Variants in TMPRSS11F observed in about 807,000 individuals in gnomAD.
TMPRSS11F encodes the protein transmembrane serine protease 11F, also known as transmembrane protease serine 11F.
TMPRSS11F carries 47 observed loss-of-function variants against 60.2 expected under a neutral mutation model. The observed-to-expected ratio is 0.78, with a 90% CI of 0.62 to 1.00. The LOEUF is 1.00. Ranked by LOEUF, TMPRSS11F falls within the 50% of genes least tolerant of loss-of-function variation. The probability of loss-of-function intolerance (pLI) is 0.00; values close to 1 mark genes in which losing one functional copy is unlikely to be tolerated. For synonymous variants in TMPRSS11F, 166 were observed against 167.3 expected (o/e 0.99, Z 0.06); for missense variants, 519 against 522.9 (o/e 0.99, Z 0.07).
chr4:68,116,350 A>G (rs1236679237), intron 1 of TMPRSS11F, among the ~76,000 whole-genome samples: 1 of 152,188 alleles, frequency 6.6e-6, no homozygotes, highest in Non-Finnish European at 1.5e-5. Flanking sequence ...TAAAAAATGC[A>G]CAGATAAATG....
At position 68,069,981 on chromosome 4, in the gene TMPRSS11F, G is replaced by A; in HGVS notation, c.541C>T (p.Leu181Phe). 2 of 1,604,620 alleles carry A rather than the reference G, an allele frequency of 1.2e-6. No individual in the cohort carries two copies. Among genetic ancestry groups the A allele is most frequent in the Non-Finnish European group, 1.7e-6 (2 of 1,175,054 alleles). The change falls in exon 6 of 10, where the codon CTT (leucine) becomes TTT (phenylalanine). Residue 181 changes from leucine (L) to phenylalanine (F), a missense_variant. By Grantham distance (22) the Leu-to-Phe change is conservative. Coordinates refer to ENST00000356291, the MANE Select transcript of TMPRSS11F (RefSeq NM_207407.2). ...TTTTGGAACTTACGACTGTTGAGAA[G>A]ATTCCTCATCTTTTTGCTGTCAATA... ...TPIDSKKMRN[L>F]LNSRCGIRMT...
rs371009609 is a variant in TMPRSS11F at position 68,084,662 on chromosome 4, G to A, written c.282+5861C>T. 1.4e-4 allele frequency among the ~76,000 whole-genome samples: 22 copies of A among 152,218 alleles called. No individual in the cohort carries two copies. The South Asian group carries it at 2.3e-3, about 16-fold the overall frequency. ...CCTTACAAGAGGTCCTTAAGAGAAT[G>A]CTAAATGTCAAAATGAAGGAACAAT... On this transcript the variant is annotated intron_variant, in intron 3 of 9. Coordinates refer to ENST00000356291, the MANE Select transcript of TMPRSS11F (RefSeq NM_207407.2).
intron 3 of TMPRSS11F, among the ~76,000 whole-genome samples, chr4:68,076,402 G>A (rs1723584425): frequency 6.6e-6 from 1 of 152,178 alleles, no homozygotes; most frequent in Non-Finnish European, 1.5e-5. Flanking sequence ...CCCCAACAGA[G>A]GGCACTGCAT....
intron 7 of TMPRSS11F, among the ~76,000 whole-genome samples, chr4:68,068,328 G>A (rs1289306393): frequency 1.3e-5 from 2 of 152,130 alleles, no homozygotes; most frequent in Non-Finnish European, 2.9e-5. Flanking sequence ...CTTGTTACAT[G>A]TGTAATAGTC....
intron 1 of TMPRSS11F, 93 bp from the exon 2 acceptor site, chr4:68,099,131 A>G: frequency 1.8e-6 from 2 of 1,114,042 alleles, no homozygotes; most frequent in South Asian, 1.6e-5. Context: ...AATAGTTTAT[A>G]CTGCTAAATA....
At chr4:68,090,898 T>A (rs1723916197) in intron 2 of TMPRSS11F, among the ~76,000 whole-genome samples, 1 of 152,196 alleles carries the variant, frequency 6.6e-6, no homozygotes, top group South Asian at 2.1e-4. Context: ...TTCATAAAAT[T>A]GGACATGCAA....
intron 2 of TMPRSS11F, among the ~76,000 whole-genome samples, chr4:68,096,788 T>A (rs1184809054): frequency 6.6e-6 from 1 of 152,182 alleles, no homozygotes; most frequent in Non-Finnish European, 1.5e-5. Context: ...TTTACCACTA[T>A]GTCTGCTGAA....
intron 1 of TMPRSS11F, among the ~76,000 whole-genome samples, chr4:68,127,359 G>A (rs190660837): frequency 1.3e-5 from 2 of 151,974 alleles, no homozygotes; most frequent in African/African-American, 4.8e-5. Context: ...TTGTTTTTTC[G>A]CATTGATCAC....
chr4:68,054,975 G>T (rs890324074), intron 9 of TMPRSS11F, among the ~76,000 whole-genome samples: 30 of 152,164 alleles, frequency 2.0e-4, no homozygotes, highest in Non-Finnish European at 3.1e-4. Context: ...AAACAGGAAA[G>T]TTTCCCCTGA....
intron 1 of TMPRSS11F, among the ~76,000 whole-genome samples, chr4:68,110,587 T>C (rs1224856899): frequency 6.6e-6 from 1 of 152,188 alleles, no homozygotes; most frequent in Non-Finnish European, 1.5e-5. Flanking sequence ...GTGAGCAGTA[T>C]GATTGTAGGC....
intron 1 of TMPRSS11F, among the ~76,000 whole-genome samples, chr4:68,108,224 C>G (rs4591662): frequency 0.96 from 145,546 of 152,278 alleles, 69,907 homozygotes; most frequent in East Asian, 1. Context: ...GTAGAAATGA[C>G]AGAAAGAGAA....
chr4:68,091,162 T>C (rs1177972139), intron 2 of TMPRSS11F, among the ~76,000 whole-genome samples: 4 of 152,190 alleles, frequency 2.6e-5, no homozygotes, highest in Admixed American at 2.0e-4. Flanking sequence ...ACTAAAGCTG[T>C]CTTTTTCAAG....
Position 68,090,637 on chromosome 4 carries a change from A to G in TMPRSS11F, c.168T>C (p.Asp56=), listed in dbSNP as rs374447857. Residue 56 remains aspartate (D), a synonymous_variant, in exon 3 of 10, where the codon GAT becomes GAC. Transcript: ENST00000356291. ...GIVTHFVVED[D]KSFYYLASFK... ...AAGAGGCAAGGTAATAGAAAGACTT[A>G]TCATCTGAAAGGTAAAACAAACAAA... 3 of 1,592,024 alleles carry G rather than the reference A, an allele frequency of 1.9e-6. No individual in the cohort carries two copies. The African/African-American group carries it at 4.1e-5, about 22-fold the overall frequency.
At chr4:68,085,501 C>T (rs190359676) in intron 3 of TMPRSS11F, among the ~76,000 whole-genome samples, 1 of 152,156 alleles carries the variant, frequency 6.6e-6, no homozygotes, top group Non-Finnish European at 1.5e-5. Context: ...AGCCCACAGA[C>T]ATCATAAAGC....
intron 7 of TMPRSS11F, among the ~76,000 whole-genome samples, chr4:68,066,904 G>A (rs1213852505): frequency 6.6e-6 from 1 of 150,562 alleles, no homozygotes; most frequent in Non-Finnish European, 1.5e-5. Context: ...ACTGCACTCT[G>A]GCCTGGGCAA....
At chr4:68,111,918 T>C (rs1724416529) in intron 1 of TMPRSS11F, among the ~76,000 whole-genome samples, 2 of 152,188 alleles carry the variant, frequency 1.3e-5, no homozygotes, top group Admixed American at 6.5e-5. Flanking sequence ...ATTTAACCCA[T>C]AGATAACTAA....
intron 7 of TMPRSS11F, among the ~76,000 whole-genome samples, chr4:68,066,875 A>G (rs569247758): frequency 1.5e-4 from 22 of 151,444 alleles, no homozygotes; most frequent in African/African-American, 4.4e-4. Context: ...CAGAGCTTGC[A>G]GTGAGCTGAG....
At position 68,129,849 on chromosome 4, in the gene TMPRSS11F, A is replaced by G. The variant is rs779721297; in HGVS notation, c.-29T>C. ...CCCAGGACTGGGGCAGCTTCTATTC[A>G]GTCACCATCTGATCTGTATCAGCAG... is the stretch of plus-strand genomic sequence containing the variant. On this transcript the variant is annotated 5_prime_UTR_variant, in exon 1 of 10. Transcript: ENST00000356291. 9.3e-6 allele frequency: 15 copies of G among 1,612,674 alleles called. No homozygotes were observed. The highest frequency in any genetic ancestry group is 1.3e-5 in the Non-Finnish European group (15 of 1,178,848).
chr4:68,109,265 A>G (rs1009998877), intron 1 of TMPRSS11F, among the ~76,000 whole-genome samples: 11 of 152,068 alleles, frequency 7.2e-5, no homozygotes, highest in South Asian at 2.1e-4. Flanking sequence ...CTCCAGTACC[A>G]GTACTGGAGT....
Sources: allele counts gnomAD v4.1 joint callset (sites outside exome capture counted in the v4.1 genomes callset), GRCh38; gene constraint gnomAD v4.1.1; transcripts MANE v1.5; gene names NCBI Gene and HGNC (gene_info 2026-07-23, HGNC 2026-07-21).